Variants in RAB2A observed in about 807,000 individuals in gnomAD.
The protein encoded by RAB2A is RAB2A, member RAS oncogene family, also known as ras-related protein Rab-2A.
Under a neutral mutation model 32.5 loss-of-function variants are expected in RAB2A, and 7 were observed. The observed-to-expected ratio is 0.22, with a 90% CI of 0.12 to 0.40. RAB2A has a LOEUF of 0.40. Among genes scored for constraint, RAB2A ranks in the 10% least tolerant of loss-of-function variants. The probability of loss-of-function intolerance (pLI) is 1.00; values close to 1 mark genes in which losing one functional copy is unlikely to be tolerated. For missense variants in RAB2A, 108 were observed against 260.7 expected (o/e 0.41, Z 4.03); for synonymous variants, 79 against 85.2 (o/e 0.93, Z 0.40).
chr8:60,527,172 A>G (rs952651881), intron 1 of RAB2A, among the ~76,000 whole-genome samples: 32 of 152,080 alleles, frequency 2.1e-4, no homozygotes, highest in African/African-American at 6.5e-4. Flanking sequence ...GGGAAGTGCT[A>G]CACACTTTTA....
rs760510317 is a variant in RAB2A at position 60,558,865 on chromosome 8, A to G, written c.60A>G (p.Ser20=). The change falls in exon 2 of 8, where the codon TCA becomes TCG. Residue 20 remains serine, a synonymous_variant. Coordinates refer to ENST00000262646, the MANE Select transcript of RAB2A (RefSeq NM_002865.3). ...IIIGDTGVGK[S]CLLLQFTDKR... ...TTTAACTTTCAGGTGTTGGTAAATC[A>G]TGCTTATTGCTACAGTTTACAGACA... 1.2e-6 allele frequency: 2 copies of G among 1,612,552 alleles called. No individual in the cohort carries two copies. Among genetic ancestry groups the G allele is most frequent in the South Asian group, 1.1e-5 (1 of 90,946 alleles).
At chr8:60,545,136 G>A (rs1420199652) in intron 1 of RAB2A, among the ~76,000 whole-genome samples, 1 of 152,168 alleles carries the variant, frequency 6.6e-6, no homozygotes, top group African/African-American at 2.4e-5. Flanking sequence ...CAATTAGTGG[G>A]AAGTTGGTTT....
At chr8:60,532,214 T>G (rs1807487623) in intron 1 of RAB2A, among the ~76,000 whole-genome samples, 1 of 152,200 alleles carries the variant, frequency 6.6e-6, no homozygotes, top group African/African-American at 2.4e-5. Context: ...TCTATAGAAG[T>G]CTTTGATATA....
intron 1 of RAB2A, among the ~76,000 whole-genome samples, chr8:60,529,980 C>CT (rs1054057105): frequency 6.6e-5 from 10 of 151,514 alleles, no homozygotes; most frequent in Admixed American, 2.6e-4. Context: ...TCTGTGTCAC[C>CT]TTTTTTTTGA....
intron 4 of RAB2A, among the ~76,000 whole-genome samples, 160 bp from the exon 5 acceptor site, chr8:60,584,563 C>T (rs181751334): frequency 9.5e-4 from 145 of 152,310 alleles, no homozygotes; most frequent in African/African-American, 3.4e-3. Context: ...AACTGAAATA[C>T]AATCAGTGAA....
chr8:60,526,001 GTA>G (rs1474444000), intron 1 of RAB2A, among the ~76,000 whole-genome samples: 5 of 98,200 alleles, frequency 5.1e-5, no homozygotes, highest in African/African-American at 1.1e-4. Context: ...ATGTCTATAT[GTA>G]TATATGTGTG....
intron 2 of RAB2A, among the ~76,000 whole-genome samples, chr8:60,569,532 A>G (rs1586088425): frequency 6.6e-6 from 1 of 152,182 alleles, no homozygotes; most frequent in South Asian, 2.1e-4. Context: ...GTTTTTTGAG[A>G]CAAGGTCTCA....
intron 6 of RAB2A, among the ~76,000 whole-genome samples, chr8:60,598,280 C>T (rs1376638273): frequency 1.3e-5 from 2 of 152,106 alleles, no homozygotes; most frequent in African/African-American, 4.8e-5. Context: ...AAAACGAAAC[C>T]TCTAGGTCCA....
intron 1 of RAB2A, among the ~76,000 whole-genome samples, chr8:60,523,912 G>A (rs1243046780): frequency 1.3e-5 from 2 of 151,816 alleles, no homozygotes; most frequent in African/African-American, 2.4e-5. Flanking sequence ...GGATAGTCTC[G>A]ATCTCCTGAC....
intron 1 of RAB2A, among the ~76,000 whole-genome samples, chr8:60,519,333 A>G (rs996995574): frequency 5.3e-5 from 8 of 150,148 alleles, no homozygotes; most frequent in Non-Finnish European, 1.0e-4. Context: ...CTTTCCCGCT[A>G]TTCCCCACCT....
intron 6 of RAB2A, among the ~76,000 whole-genome samples, chr8:60,603,030 T>G (rs1346994800): frequency 3.3e-5 from 5 of 152,226 alleles, no homozygotes; most frequent in Non-Finnish European, 7.3e-5. Flanking sequence ...GGTATTCTAA[T>G]GACACATCCC....
At chr8:60,553,614 T>G (rs965000249) in intron 1 of RAB2A, among the ~76,000 whole-genome samples, 2 of 152,234 alleles carry the variant, frequency 1.3e-5, no homozygotes, top group Non-Finnish European at 2.9e-5. Context: ...TTAATTTGCT[T>G]CTTATAACAG....
At chr8:60,612,001 T>C (rs1804358286) in intron 6 of RAB2A, among the ~76,000 whole-genome samples, 1 of 152,230 alleles carries the variant, frequency 6.6e-6, no homozygotes, top group Admixed American at 6.5e-5. Context: ...GGGATACATG[T>C]GCTGAACATA....
chr8:60,569,759 C>T (rs768220764), intron 2 of RAB2A, among the ~76,000 whole-genome samples: 4 of 152,148 alleles, frequency 2.6e-5, no homozygotes, highest in Non-Finnish European at 4.4e-5. Context: ...GCAATCCTCC[C>T]GTCTCAGCCT....
At chr8:60,597,096 T>G (rs765900337) in intron 6 of RAB2A, among the ~76,000 whole-genome samples, 3 of 152,098 alleles carry the variant, frequency 2.0e-5, no homozygotes, top group Non-Finnish European at 2.9e-5. Flanking sequence ...CATTACTGAG[T>G]ATATACCAAA....
In RAB2A at chr8:60,601,738, T is replaced by C. The variant is rs143036220; in HGVS notation, c.474+9769T>C. On this transcript the variant is annotated intron_variant, in intron 6 of 7. Coordinates refer to ENST00000262646, the MANE Select transcript of RAB2A (RefSeq NM_002865.3). ...AGTCCTGGTTAGAAGAAAAACCGCA[T>C]TCATTCACAATGTCCACATGACAGA... Among the ~76,000 whole-genome samples the C allele has an allele frequency of 7.2e-4, 110 of 152,372 alleles. No individual in the cohort carries two copies. The East Asian group carries it at 7.5e-3, about 10-fold the overall frequency.
At chr8:60,526,033 ATATATATATATATATATAT>A (rs1807379262) in intron 1 of RAB2A, among the ~76,000 whole-genome samples, 5 of 109,842 alleles carry the variant, frequency 4.6e-5, no homozygotes, top group African/African-American at 2.1e-4. Context: ...ATATATATAT[ATATATATATATATATATAT>A]ATATAAGTTT....
intron 6 of RAB2A, among the ~76,000 whole-genome samples, chr8:60,604,338 A>G (rs586377): frequency 0.53 from 80,785 of 151,684 alleles, 24,369 homozygotes; most frequent in African/African-American, 0.83. Context: ...TTTCTTTATA[A>G]CAGCGGGAGA....
chr8:60,549,139 G>C (rs1280812530), intron 1 of RAB2A, among the ~76,000 whole-genome samples: 1 of 150,262 alleles, frequency 6.7e-6, no homozygotes, highest in African/African-American at 2.5e-5. Context: ...GGGCAGAGAC[G>C]CTCCTCACTT....
Sources: allele counts gnomAD v4.1 joint callset (sites outside exome capture counted in the v4.1 genomes callset), GRCh38; gene constraint gnomAD v4.1.1; transcripts MANE v1.5; gene names NCBI Gene and HGNC (gene_info 2026-07-23, HGNC 2026-07-21).